PDE4B: variants seen among roughly 807,000 people sequenced by gnomAD.
PDE4B encodes the protein phosphodiesterase 4B, also known as 3',5'-cyclic-AMP phosphodiesterase 4B.
Under a neutral mutation model 82.2 loss-of-function variants are expected in PDE4B, and 20 were observed. The ratio of observed to expected loss-of-function variants is 0.24; its 90% confidence interval spans 0.17 to 0.35. The LOEUF (loss-of-function observed/expected upper bound fraction) is 0.35. PDE4B is among the 10% of genes least tolerant of loss of function. The probability of loss-of-function intolerance (pLI) is 1.00; values close to 1 mark genes in which losing one functional copy is unlikely to be tolerated. For synonymous variants in PDE4B, 320 were observed against 318.9 expected, an observed-to-expected ratio of 1.00 and a Z score of -0.04; for missense variants, 655 against 907.2, an observed-to-expected ratio of 0.72 and a Z score of 3.57.
intron 3 of PDE4B, among the ~76,000 whole-genome samples, chr1:66,025,837 A>G (rs2503217): frequency 0.98 from 149,442 of 152,346 alleles, 73,351 homozygotes; most frequent in Middle Eastern, 1. Context: ...AACAACCACA[A>G]AGGTTTGTGC....
At chr1:66,208,397 C>T (rs1274130339) in intron 3 of PDE4B, among the ~76,000 whole-genome samples, 1 of 152,196 alleles carries the variant, frequency 6.6e-6, no homozygotes, top group East Asian at 1.9e-4. Flanking sequence ...GTAGCACATA[C>T]TTCTAGCTAA....
At chr1:65,966,521 T>G (rs538459066) in intron 3 of PDE4B, among the ~76,000 whole-genome samples, 133 of 152,288 alleles carry the variant, frequency 8.7e-4, no homozygotes, top group African/African-American at 3.1e-3. Context: ...TACCAGTGAC[T>G]TTCCTCACAG....
intron 3 of PDE4B, among the ~76,000 whole-genome samples, chr1:66,216,976 A>G (rs1650511211): frequency 6.6e-6 from 1 of 152,150 alleles, no homozygotes; most frequent in African/African-American, 2.4e-5. Context: ...ATTCCCTTGC[A>G]TTTGAGATCA....
At chr1:65,887,414 GTTTTTTTTTTTTTTT>G (rs34263724) in intron 1 of PDE4B, among the ~76,000 whole-genome samples, 1 of 7,734 alleles carries the variant, frequency 1.3e-4, no homozygotes, top group African/African-American at 7.6e-4. Flanking sequence ...TTTTTCTTCT[GTTTTTTTTTTTTTTT>G]TTTTTTTTTA....
At chr1:65,992,145 A>T (rs927006017) in intron 3 of PDE4B, among the ~76,000 whole-genome samples, 1 of 152,200 alleles carries the variant, frequency 6.6e-6, no homozygotes, top group South Asian at 2.1e-4. Flanking sequence ...GGAGGAAAAA[A>T]AAACTTCAGC....
intron 3 of PDE4B, among the ~76,000 whole-genome samples, chr1:66,118,573 G>T (rs1024509921): frequency 2.0e-5 from 3 of 152,030 alleles, no homozygotes; most frequent in African/African-American, 7.3e-5. Flanking sequence ...TTGTGGGGTG[G>T]GGGGAAGGGG....
chr1:66,144,222 G>A (rs1295797984), intron 3 of PDE4B, among the ~76,000 whole-genome samples: 3 of 152,134 alleles, frequency 2.0e-5, no homozygotes, highest in South Asian at 4.1e-4. Context: ...AGAACTGCAC[G>A]TTATTACATC....
chr1:66,141,537 G>A (rs1646172685), intron 3 of PDE4B, among the ~76,000 whole-genome samples: 2 of 151,948 alleles, frequency 1.3e-5, no homozygotes, highest in East Asian at 3.9e-4. Flanking sequence ...GGGGACATAT[G>A]AAGGAAAGGA....
chr1:66,081,297 A>G (rs1656709609), intron 3 of PDE4B, among the ~76,000 whole-genome samples: 1 of 152,074 alleles, frequency 6.6e-6, no homozygotes, highest in Non-Finnish European at 1.5e-5. Context: ...CATTTCATTC[A>G]AAAACTTCAG....
intron 3 of PDE4B, among the ~76,000 whole-genome samples, chr1:66,108,924 A>G (rs999345565): frequency 2.6e-5 from 4 of 152,026 alleles, no homozygotes; most frequent in African/African-American, 9.6e-5. Context: ...CTGAATGCAG[A>G]TAAAACTCTT....
At chr1:65,851,805 T>C (rs531145568) in intron 1 of PDE4B, among the ~76,000 whole-genome samples, 1 of 152,130 alleles carries the variant, frequency 6.6e-6, no homozygotes, top group Non-Finnish European at 1.5e-5. Flanking sequence ...TAGTGTTGAA[T>C]AGAAGTAGTG....
intron 1 of PDE4B, among the ~76,000 whole-genome samples, chr1:65,904,149 A>T (rs939809058): frequency 6.6e-6 from 1 of 152,172 alleles, no homozygotes; most frequent in African/African-American, 2.4e-5. Context: ...GGGGTCTTTG[A>T]GTCTACATAG....
At chr1:66,257,091 C>T (rs1654293661) in intron 4 of PDE4B, among the ~76,000 whole-genome samples, 1 of 152,178 alleles carries the variant, frequency 6.6e-6, no homozygotes, top group South Asian at 2.1e-4. Flanking sequence ...TTCAGCCATA[C>T]ACTCCTATTA....
Position 65,801,512 on chromosome 1 carries a change from C to T in PDE4B, c.-71+8264C>T, listed in dbSNP as rs146121396. On this transcript the variant is annotated intron_variant, in intron 1 of 16. Coordinates refer to ENST00000341517, the MANE Select transcript of PDE4B (RefSeq NM_002600.4). ...AAACTTAGGGTACTTTGTACCAATA[C>T]TTTCATTTTGAAGAAGTTTGGGTGT... Among the ~76,000 whole-genome samples the T allele has an allele frequency of 4.1e-3, 627 of 152,236 alleles. 5 individuals carry two copies. Among genetic ancestry groups the T allele is most frequent in the African/African-American group, 0.015 (611 of 41,534 alleles).
chr1:66,293,854 C>A (rs561469378), intron 7 of PDE4B, among the ~76,000 whole-genome samples: 3 of 152,212 alleles, frequency 2.0e-5, no homozygotes, highest in Admixed American at 6.5e-5. Context: ...TGTTCTCAAC[C>A]ATATAAAACT....
intron 3 of PDE4B, among the ~76,000 whole-genome samples, chr1:66,150,841 A>T (rs563851665): frequency 6.6e-6 from 1 of 152,158 alleles, no homozygotes; most frequent in East Asian, 1.9e-4. Context: ...ACATTAATTA[A>T]CTTTCGTATG....
At chr1:65,825,881 T>C (rs902246189) in intron 1 of PDE4B, among the ~76,000 whole-genome samples, 2 of 152,288 alleles carry the variant, frequency 1.3e-5, no homozygotes, top group African/African-American at 4.8e-5. Context: ...ATCTTCCTTA[T>C]ATGCTACATC....
At chr1:66,045,922 G>A (rs1017369770) in intron 3 of PDE4B, among the ~76,000 whole-genome samples, 14 of 151,770 alleles carry the variant, frequency 9.2e-5, no homozygotes, top group Non-Finnish European at 1.6e-4. Context: ...AGGAGGGCAG[G>A]CTGTAAGGGT....
chr1:66,363,115 C>T, intron 10 of PDE4B, 53 bp from the exon 11 acceptor site: 1 of 1,190,322 alleles, frequency 8.4e-7, no homozygotes, highest in East Asian at 2.3e-5. Context: ...AAAAATGAGG[C>T]ATGTTAGCAC....
Sources: allele counts gnomAD v4.1 joint callset (sites outside exome capture counted in the v4.1 genomes callset), GRCh38; gene constraint gnomAD v4.1.1; transcripts MANE v1.5; gene names NCBI Gene and HGNC (gene_info 2026-07-23, HGNC 2026-07-21).